MAS1: variants seen among roughly 807,000 people sequenced by gnomAD.
The protein encoded by MAS1 is MAS1 proto-oncogene, G protein-coupled receptor.
For synonymous variants in MAS1, 163 were observed against 164.2 expected (o/e 0.99, Z 0.05); for missense variants, 387 against 409.7 (o/e 0.94, Z 0.48).
Position 159,916,276 on chromosome 6 carries a change from G to A in MAS1, c.*8343G>A, listed in dbSNP as rs1275797436. 1 of 152,240 alleles carries A rather than the reference G, an allele frequency of 6.6e-6. No individual in the cohort carries two copies. Among genetic ancestry groups the A allele is most frequent in the Non-Finnish European group, 1.5e-5 (1 of 68,052 alleles). The allele number at this position is 152,240 out of a possible 1,614,324, so 9.4% of individuals were successfully genotyped here. On this transcript the variant is annotated 3_prime_UTR_variant, in exon 3 of 3. Transcript: ENST00000674077. ...AAAGACTGTATGATTCCACTCATAT[G>A]AGGGGCTTAGAGTTGTCAGATTCAT...
chr6:159,915,855 T>G lies in MAS1; in HGVS notation c.*7922T>G, dbSNP rs879429847. 14 of 152,300 alleles carry G rather than the reference T, an allele frequency of 9.2e-5. No homozygotes were observed. Among genetic ancestry groups the G allele is most frequent in the Admixed American group, 3.3e-4 (5 of 15,280 alleles). The allele number at this position is 152,300 out of a possible 1,614,324, so 9.4% of individuals were successfully genotyped here. ...GGACAGTGAGGCCCCACCTCAGAACTGCCCTCCTGGAAGGGCGAAGGAGCC... is the reference window on the plus strand; with the variant it reads ...GGACAGTGAGGCCCCACCTCAGAACGGCCCTCCTGGAAGGGCGAAGGAGCC... On this transcript the variant is annotated 3_prime_UTR_variant, in exon 3 of 3. Coordinates refer to ENST00000674077, the MANE Select transcript of MAS1 (RefSeq NM_002377.4).
intron 1 of MAS1, among the ~76,000 whole-genome samples, chr6:159,896,359 G>A (rs1441421195): frequency 2.0e-5 from 3 of 152,104 alleles, no homozygotes; most frequent in African/African-American, 7.2e-5. Flanking sequence ...TGATACTGAA[G>A]TCATACTTTT....
At chr6:159,898,658 C>CTT (rs1562309992) in intron 1 of MAS1, among the ~76,000 whole-genome samples, 73 of 59,458 alleles carry the variant, frequency 1.2e-3, no homozygotes, top group Middle Eastern at 0.01. Flanking sequence ...TCCTCCTCCT[C>CTT]CCTCCTCCTT....
intron 2 of MAS1, among the ~76,000 whole-genome samples, chr6:159,905,658 A>G (rs220722): frequency 0.95 from 144,709 of 152,318 alleles, 68,821 homozygotes; most frequent in East Asian, 1. Context: ...TATCACCAGA[A>G]CCATTCAAGT....
chr6:159,916,777 G>C lies in MAS1; in HGVS notation c.*8844G>C, dbSNP rs1259285489. 1.3e-5 allele frequency among the ~76,000 whole-genome samples: 2 copies of C among 152,248 alleles called. No homozygotes were observed. Among genetic ancestry groups the C allele is most frequent in the African/African-American group, 4.8e-5 (2 of 41,468 alleles). On this transcript the variant is annotated 3_prime_UTR_variant, in exon 3 of 3. Transcript: ENST00000674077. ...CTGATTCCAATGAAGCTGCTGTTGA[G>C]GGCCGGATAGCAGCCACTCTTGGCT...
At chr6:159,896,862 G>C (rs546700999) in intron 1 of MAS1, among the ~76,000 whole-genome samples, 2 of 84,636 alleles carry the variant, frequency 2.4e-5, no homozygotes, top group African/African-American at 7.2e-5. Context: ...GGGTTTTTTT[G>C]TTTGTTTGTT....
intron 2 of MAS1, chr6:159,906,633 C>T (rs1782889644): frequency 4.3e-6 from 1 of 231,122 alleles, no homozygotes; most frequent in South Asian, 9.0e-5. Flanking sequence ...CTGGCCATCT[C>T]CTTTTTGGCA....
chr6:159,908,028 C>T lies in MAS1; in HGVS notation c.*95C>T. 2 of 1,359,394 alleles carry T rather than the reference C, an allele frequency of 1.5e-6. No homozygotes were observed. The allele number at this position is 1,359,394 out of a possible 1,614,324, so 84.2% of individuals were successfully genotyped here. On this transcript the variant is annotated 3_prime_UTR_variant, in exon 3 of 3. Coordinates refer to ENST00000674077, the MANE Select transcript of MAS1 (RefSeq NM_002377.4). Reference sequence around the variant, plus strand: ...ACTTAAGTATCTCCTAAATGTGATACAGAAGAACATCTCATCCCATATGCA... The same window carrying T: ...ACTTAAGTATCTCCTAAATGTGATATAGAAGAACATCTCATCCCATATGCA...
rs1487843308 is a variant in MAS1 at position 159,909,024 on chromosome 6, G to A, written c.*1091G>A. On this transcript the variant is annotated 3_prime_UTR_variant, in exon 3 of 3. Transcript: ENST00000674077. ...ACCTGGAAGGAGGCTCAGTGGCAAG[G>A]GCTAATGAAAATGTGGTCACATCCT... 6.6e-6 allele frequency: 1 copy of A among 151,456 alleles called. No individual in the cohort carries two copies. The highest frequency in any genetic ancestry group is 1.5e-5 in the Non-Finnish European group (1 of 67,924). 9.4% of individuals were successfully genotyped at this position (151,456 alleles called of 1,614,324 possible).
chr6:159,895,836 A>G (rs902072664), intron 1 of MAS1, among the ~76,000 whole-genome samples: 1 of 152,226 alleles, frequency 6.6e-6, no homozygotes, highest in Non-Finnish European at 1.5e-5. Context: ...TTAAATCTTG[A>G]AGAACGTTTA....
In MAS1 at chr6:159,912,078, CT is replaced by C. The variant is rs1455131230; in HGVS notation, c.*4146del. 6.6e-6 allele frequency: 1 copy of C among 152,344 alleles called. No individual in the cohort carries two copies. Among genetic ancestry groups the C allele is most frequent in the Admixed American group, 6.5e-5 (1 of 15,292 alleles). 9.4% of individuals were successfully genotyped at this position (152,344 alleles called of 1,614,324 possible). ...AACAGCACCACTGGCCTTGACTAGC[CT>C]GCTCCCTGCCACACATACTGGTTGT... On this transcript the variant is annotated 3_prime_UTR_variant, in exon 3 of 3. Transcript: ENST00000674077.
At chr6:159,905,442 G>C (rs1782874093) in intron 2 of MAS1, among the ~76,000 whole-genome samples, 1 of 152,214 alleles carries the variant, frequency 6.6e-6, no homozygotes, top group Admixed American at 6.5e-5. Flanking sequence ...GAACAGCTGA[G>C]GGAAGTGTCA....
intron 1 of MAS1, among the ~76,000 whole-genome samples, chr6:159,895,213 A>T (rs571435394): frequency 2.6e-5 from 4 of 152,168 alleles, no homozygotes; most frequent in African/African-American, 9.7e-5. Context: ...GAGGGCTAGA[A>T]ATAGTGCCAA....
intron 1 of MAS1, among the ~76,000 whole-genome samples, chr6:159,891,681 C>T (rs1482522033): frequency 6.6e-6 from 1 of 152,206 alleles, no homozygotes; most frequent in African/African-American, 2.4e-5. Flanking sequence ...AAGCCGTATG[C>T]ATTCCTTTGG....
intron 2 of MAS1, among the ~76,000 whole-genome samples, chr6:159,905,971 G>A (rs962864596): frequency 6.6e-6 from 1 of 152,112 alleles, no homozygotes; most frequent in South Asian, 2.1e-4. Context: ...GAACCTGGGA[G>A]GCGGAGGTTG....
chr6:159,891,725 C>T (rs1204724218), intron 1 of MAS1, among the ~76,000 whole-genome samples: 1 of 152,164 alleles, frequency 6.6e-6, no homozygotes, highest in Non-Finnish European at 1.5e-5. Context: ...ATCTCCTGCC[C>T]AGTCTTGATC....
upstream of MAS1, among the ~76,000 whole-genome samples, chr6:159,889,638 C>T (rs942086662): frequency 6.6e-6 from 1 of 152,210 alleles, no homozygotes; most frequent in African/African-American, 2.4e-5. Context: ...TAGTTTCTGA[C>T]CATCCTCTGG....
chr6:159,912,768 G>A lies in MAS1; in HGVS notation c.*4835G>A, dbSNP rs144894480. The stretch of plus-strand genomic sequence containing the variant: ...GAGAGTCAATGTGCAAACTGTCCTC[G>A]AACTTTAATTGATGATCTTGACAAA... On this transcript the variant is annotated 3_prime_UTR_variant, in exon 3 of 3. Transcript: ENST00000674077. 8.5e-5 allele frequency: 13 copies of A among 152,208 alleles called. No individual in the cohort carries two copies. Among genetic ancestry groups the A allele is most frequent in the East Asian group, 3.9e-4 (2 of 5,184 alleles). 9.4% of individuals were successfully genotyped at this position (152,208 alleles called of 1,614,324 possible). A position where few individuals can be genotyped will look rare whatever the true frequency, so the allele number is the denominator to read the frequency against.
intron 1 of MAS1, among the ~76,000 whole-genome samples, chr6:159,896,626 T>G (rs1439439717): frequency 1.3e-5 from 2 of 152,256 alleles, no homozygotes; most frequent in Non-Finnish European, 2.9e-5. Flanking sequence ...CGATAAACAT[T>G]TAAAAGAAAA....
Sources: allele counts gnomAD v4.1 joint callset (sites outside exome capture counted in the v4.1 genomes callset), GRCh38; gene constraint gnomAD v4.1.1; transcripts MANE v1.5; gene names NCBI Gene and HGNC (gene_info 2026-07-23, HGNC 2026-07-21).